The following RBFOX1 variants were observed in gnomAD, a reference collection of about 807,000 sequenced individuals.
RBFOX1 encodes RNA binding fox-1 homolog 1.
In RBFOX1, 8 loss-of-function variants were observed where a neutral mutation model predicts 57.7. The observed-to-expected ratio is 0.14, with a 90% confidence interval of 0.08 to 0.25. RBFOX1 has a LOEUF of 0.25. RBFOX1 is among the 10% of genes least tolerant of loss of function. RBFOX1 has a pLI of 1.00. For synonymous variants in RBFOX1, 326 were observed against 222.4 expected (o/e 1.47, Z -4.15); for missense variants, 611 against 548.5 (o/e 1.11, Z -1.14).
At chr16:6,918,981 TTTTG>T (rs902041757) in intron 3 of RBFOX1, among the ~76,000 whole-genome samples, 2 of 151,966 alleles carry the variant, frequency 1.3e-5, no homozygotes, top group South Asian at 2.1e-4. Context: ...AGCTAATGAT[TTTTG>T]TTTGTTTGTT....
rs151299186 is a variant in RBFOX1, at chr16:6,248,430, A to G, written c.-126-68565A>G. Reference sequence around the variant, plus strand: ...GGCTGCCTAAAGATCTCTTTTAGCCATGGGACATGGGTATAAATAAGCTTT... The same window carrying G: ...GGCTGCCTAAAGATCTCTTTTAGCCGTGGGACATGGGTATAAATAAGCTTT... On this transcript the variant is annotated intron_variant, in intron 1 of 15. Transcript: ENST00000550418. 2.0e-3 allele frequency among the ~76,000 whole-genome samples: 301 copies of G among 152,270 alleles called. 2 individuals are homozygous for G. The highest frequency in any genetic ancestry group is 5.5e-3 in the African/African-American group (230 of 41,558).
intron 11 of RBFOX1, among the ~76,000 whole-genome samples, chr16:7,641,808 G>A (rs907393612): frequency 1.3e-5 from 2 of 152,116 alleles, no homozygotes; most frequent in South Asian, 2.1e-4. Context: ...AAGTCTCCTC[G>A]CCATGTAAAT....
At chr16:6,273,988 C>T (rs1487281744) in intron 1 of RBFOX1, among the ~76,000 whole-genome samples, 1 of 152,144 alleles carries the variant, frequency 6.6e-6, no homozygotes. Flanking sequence ...ATTAAAACTG[C>T]AGTGTGGTAT....
intron 1 of RBFOX1, among the ~76,000 whole-genome samples, chr16:6,126,385 G>A (rs146431678): frequency 1.0e-3 from 156 of 152,204 alleles, no homozygotes; most frequent in African/African-American, 3.3e-3. Flanking sequence ...CATTGAATGC[G>A]CACTATGTGC....
intron 2 of RBFOX1, among the ~76,000 whole-genome samples, chr16:5,567,053 C>A (rs867737262): frequency 1.3e-5 from 2 of 152,192 alleles, no homozygotes; most frequent in African/African-American, 2.4e-5. Flanking sequence ...GCCTCAGGTC[C>A]TAAGCCTCAC....
chr16:5,644,638 T>A (rs1278695181), intron 3 of RBFOX1, among the ~76,000 whole-genome samples: 2 of 152,180 alleles, frequency 1.3e-5, no homozygotes, highest in African/African-American at 4.8e-5. Flanking sequence ...ATTCACAATT[T>A]TTTCCTCCAC....
intron 3 of RBFOX1, among the ~76,000 whole-genome samples, chr16:5,680,684 T>C (rs1434002650): frequency 6.6e-6 from 1 of 152,190 alleles, no homozygotes; most frequent in Non-Finnish European, 1.5e-5. Flanking sequence ...GGTCTTAACC[T>C]TGGAGAATGC....
At chr16:6,487,741 ATATATATATATAT>A (rs2095536530) in intron 2 of RBFOX1, among the ~76,000 whole-genome samples, 7 of 70,146 alleles carry the variant, frequency 1.0e-4, no homozygotes, top group African/African-American at 2.0e-4. Flanking sequence ...ATATATATAT[ATATATATATATAT>A]AAAATATTAT....
At position 5,583,744 on chromosome 16, in the gene RBFOX1, A is replaced by T. The variant is rs191095634; in HGVS notation, c.259-15158A>T. Among the ~76,000 whole-genome samples the T allele has an allele frequency of 8.7e-4, 132 of 152,282 alleles. 1 individual carries two copies. In the East Asian group the frequency reaches 0.019, roughly 21 times the overall value. On this transcript the variant is annotated intron_variant, in intron 2 of 2. Transcript: ENST00000585867. ...TGTCTCATTTTAGGATTGTCCTATG[A>T]TGTAGGCTGTTAGCCCCATCTTATA...
chr16:6,165,823 G>C (rs1310095365), intron 1 of RBFOX1, among the ~76,000 whole-genome samples: 13 of 152,208 alleles, frequency 8.5e-5, no homozygotes, highest in Admixed American at 5.2e-4. Context: ...TCACTCAACT[G>C]TGGAAGGTAA....
At chr16:7,568,073 A>G (rs2092314672) in intron 5 of RBFOX1, among the ~76,000 whole-genome samples, 1 of 152,040 alleles carries the variant, frequency 6.6e-6, no homozygotes. Context: ...TTGCTACTGG[A>G]AAGGGGTCCT....
chr16:6,868,800 G>A (rs1411556835), intron 3 of RBFOX1, among the ~76,000 whole-genome samples: 1 of 152,088 alleles, frequency 6.6e-6, no homozygotes, highest in Non-Finnish European at 1.5e-5. Flanking sequence ...TAATAAGGTT[G>A]CATCTTTTTG....
At chr16:5,451,341 G>A (rs971414903) in intron 1 of RBFOX1, among the ~76,000 whole-genome samples, 2 of 152,180 alleles carry the variant, frequency 1.3e-5, no homozygotes, top group African/African-American at 4.8e-5. Flanking sequence ...CATCAACAGG[G>A]ATAATCTCCA....
chr16:6,804,093 G>C (rs531157244), intron 3 of RBFOX1, among the ~76,000 whole-genome samples: 1 of 151,700 alleles, frequency 6.6e-6, no homozygotes, highest in East Asian at 1.9e-4. Context: ...TGCAACCTCT[G>C]CCTCCTGGGT....
At chr16:6,677,956 C>T (rs551696882) in intron 3 of RBFOX1, among the ~76,000 whole-genome samples, 4 of 152,192 alleles carry the variant, frequency 2.6e-5, no homozygotes, top group East Asian at 3.9e-4. Context: ...AACCTAGTAC[C>T]GCCTAATAGA....
intron 2 of RBFOX1, among the ~76,000 whole-genome samples, chr16:6,338,710 C>G (rs74005094): frequency 0.077 from 11,655 of 152,144 alleles, 613 homozygotes; most frequent in Middle Eastern, 0.17. Context: ...ACTCAAGAGA[C>G]CTGAAAAAGT....
Position 5,424,964 on chromosome 16 carries a change from C to CTCTTTCTTTCTT in RBFOX1, c.220-42246_220-42235dup, listed in dbSNP as rs1317746840. On this transcript the variant is annotated intron_variant, in intron 1 of 2. Coordinates refer to the RBFOX1 transcript ENST00000585867. ...CTCTTCTTTCTTCCTTTGTTTCTTT[C>CTCTTTCTTTCTT]TCTTTCTTTCTTTCTTTTCTTTTCT... 6.5e-5 allele frequency among the ~76,000 whole-genome samples: 3 copies of CTCTTTCTTTCTT among 46,286 alleles called. 1 individual carries two copies. Among genetic ancestry groups the CTCTTTCTTTCTT allele is most frequent in the African/African-American group, 3.0e-4 (3 of 10,130 alleles). The allele number at this position is 46,286 out of a possible 152,430, so 30.4% of individuals were successfully genotyped here. A position where few individuals can be genotyped will look rare whatever the true frequency, so the allele number is the denominator to read the frequency against.
At chr16:6,450,839 GTATATATATATATATATA>G (rs1202016714) in intron 2 of RBFOX1, among the ~76,000 whole-genome samples, 154 of 13,598 alleles carry the variant, frequency 0.011, 24 homozygotes, top group African/African-American at 0.052. Context: ...ATATATATGT[GTATATATATATATATATA>G]TATATATATA....
intron 3 of RBFOX1, chr16:6,704,667 A>G (rs1438745485): frequency 6.6e-6 from 1 of 152,356 alleles, no homozygotes; most frequent in African/African-American, 2.4e-5. Flanking sequence ...GAGCCTGCCT[A>G]ACTGCCTATT....
Sources: allele counts gnomAD v4.1 joint callset (sites outside exome capture counted in the v4.1 genomes callset), GRCh38; gene constraint gnomAD v4.1.1; transcripts MANE v1.5; gene names NCBI Gene and HGNC (gene_info 2026-07-23, HGNC 2026-07-21).